Variants in PUS3 observed in about 807,000 individuals in gnomAD.
The protein encoded by PUS3 is pseudouridine synthase 3.
Under a neutral mutation model 43.3 loss-of-function variants are expected in PUS3, and 36 were observed. That is an observed-to-expected ratio of 0.83 (90% CI 0.64 to 1.10). PUS3 has a LOEUF of 1.10. Ranked by LOEUF, PUS3 falls within the 50% of genes least tolerant of loss-of-function variation. PUS3 has a pLI of 0.00. For missense variants in PUS3, 544 were observed against 589.9 expected (o/e 0.92, Z 0.81); for synonymous variants, 183 against 199.2 (o/e 0.92, Z 0.69).
Position 125,893,822 on chromosome 11 carries a change from C to G in PUS3, c.1409G>C (p.Arg470Thr), listed in dbSNP as rs750439608. ...TTTAATTTCTGTGTCAACACAGACC[C>G]TCTTCGTTGGTGTCTCCAAATTAGT... ...ENTNLETPTKRVCVDTEIKSI... is the reference protein window; with the variant it reads ...ENTNLETPTKTVCVDTEIKSI... The change falls in exon 4 of 4, where the codon AGG (arginine) becomes ACG (threonine). Residue 470 changes from arginine to threonine, a missense_variant. Physicochemically the swap from Arg to Thr is moderately conservative, Grantham distance 71 (BLOSUM62 -1). Transcript: ENST00000227474. 1.9e-6 allele frequency: 3 copies of G among 1,613,738 alleles called. No homozygotes were observed. The highest frequency in any genetic ancestry group is 8.5e-7 in the Non-Finnish European group (1 of 1,179,908).
chr11:125,898,262 G>A (rs893294790), intron 1 of PUS3, among the ~76,000 whole-genome samples: 1 of 152,192 alleles, frequency 6.6e-6, no homozygotes, highest in Admixed American at 6.5e-5. Flanking sequence ...ACAGGAAATA[G>A]TGGACAGTAG....
Position 125,895,272 on chromosome 11 carries a change from A to G in PUS3, c.896T>C (p.Ile299Thr), listed in dbSNP as rs141362244. ...IGQGMEKPEI[I>T]DELLNIEKNP... ...TTTCTCTATATTCAGCAGCTCATCA[A>G]TAATCTCTGGCTTCTCCATTCCTTG... The change falls in exon 3 of 4, where the codon ATT (isoleucine) becomes ACT (threonine). Residue 299 changes from isoleucine to threonine, a missense_variant. Transcript: ENST00000227474. 8.1e-6 allele frequency: 13 copies of G among 1,608,870 alleles called. No individual in the cohort carries two copies. The highest frequency in any genetic ancestry group is 1.1e-5 in the South Asian group (1 of 90,072).
At chr11:125,900,055 TG>T in intron 1 of PUS3, 1 of 1,614,214 alleles carries the variant, frequency 6.2e-7, no homozygotes. Context: ...TACGTTTACC[TG>T]GTGAAGATCA....
At position 125,894,088 on chromosome 11, in the gene PUS3, C is replaced by T. The variant is rs143682880; in HGVS notation, c.1143G>A (p.Lys381=). 8.7e-6 allele frequency: 14 copies of T among 1,614,182 alleles called. No individual in the cohort carries two copies. The African/African-American group carries it at 1.6e-4, about 18-fold the overall frequency. ...TVPVPCGIGP[K]MDGMTEWGNV... The stretch of plus-strand genomic sequence containing the variant: ...TTCCCCATTCTGTCATTCCATCCAT[C>T]TTTGGTCCTATTCCACAGGGTACTG... Residue 381 remains lysine (K), a synonymous_variant, in exon 4 of 4, where the codon AAG becomes AAA. Coordinates refer to ENST00000227474, the MANE Select transcript of PUS3 (RefSeq NM_031307.4).
At chr11:125,897,205 AG>A (rs1456931811) in intron 1 of PUS3, among the ~76,000 whole-genome samples, 1 of 152,198 alleles carries the variant, frequency 6.6e-6, no homozygotes, top group Non-Finnish European at 1.5e-5. Flanking sequence ...ATCTAAGTAT[AG>A]GTAGCTTAGT....
rs781230998 is a variant in PUS3 at position 125,900,148 on chromosome 11, C to T, written c.-47+3022G>A. On this transcript the variant is annotated intron_variant, in intron 1 of 3. Coordinates refer to ENST00000227474, the MANE Select transcript of PUS3 (RefSeq NM_031307.4). ...AATCCAAACCTCAGCATATATATGT[C>T]CCAAACAATTATCTAGTACCAACAG... 2.1e-5 allele frequency: 34 copies of T among 1,614,006 alleles called. No homozygotes were observed. Among genetic ancestry groups the T allele is most frequent in the African/African-American group, 2.7e-5 (2 of 74,908 alleles).
chr11:125,902,779 C>T (rs1944814506), intron 1 of PUS3, among the ~76,000 whole-genome samples: 1 of 151,914 alleles, frequency 6.6e-6, no homozygotes, highest in Non-Finnish European at 1.5e-5. Flanking sequence ...AGGCAATCCC[C>T]AAAATAATTT....
At chr11:125,895,081 C>G in intron 3 of PUS3, 143 bp downstream of exon 3, 1 of 523,026 alleles carries the variant, frequency 1.9e-6, no homozygotes, top group Non-Finnish European at 3.2e-6. Flanking sequence ...CAGTCTCCCT[C>G]TGTCACCCAT....
chr11:125,901,690 C>G (rs1347707687), intron 1 of PUS3, among the ~76,000 whole-genome samples: 1 of 152,204 alleles, frequency 6.6e-6, no homozygotes, highest in Non-Finnish European at 1.5e-5. Context: ...TAATCAATGA[C>G]TCAGGTACAT....
chr11:125,899,542 A>G (rs1944695087), intron 1 of PUS3: 1 of 1,614,176 alleles, frequency 6.2e-7, no homozygotes, highest in Non-Finnish European at 8.5e-7. Context: ...CAGTAGCCCC[A>G]GGGAAGCGAC....
In PUS3 at chr11:125,899,566, G is replaced by C. The variant is rs754900007; in HGVS notation, c.-46-3236C>G. ...CAGGGAAGCGACCTGCTCTTCCTGT[G>C]CAACTACAGTACCCACATGTAGAAA... On this transcript the variant is annotated intron_variant, in intron 1 of 3. Transcript: ENST00000227474. 4.3e-6 allele frequency: 7 copies of C among 1,614,122 alleles called. No homozygotes were observed. Among genetic ancestry groups the C allele is most frequent in the Non-Finnish European group, 5.9e-6 (7 of 1,180,002 alleles).
rs998301922 is a variant in PUS3, at chr11:125,896,097, C to T, written c.188G>A (p.Arg63Lys). The T allele has an allele frequency of 6.2e-7, 1 of 1,614,108 alleles. No individual in the cohort carries two copies. The highest frequency in any genetic ancestry group is 8.5e-7 in the Non-Finnish European group (1 of 1,180,058). ...RAFDFSAHGRRHVALRIAYMG... is the reference protein window; with the variant it reads ...RAFDFSAHGRKHVALRIAYMG... The stretch of plus-strand genomic sequence containing the variant: ...ATAGGCTATTCTTAGGGCTACGTGT[C>T]TTCGGCCATGAGCACTGAAATCAAA... The change falls in exon 2 of 4, where the codon AGA (arginine) becomes AAA (lysine). Residue 63 changes from arginine (R) to lysine (K), a missense_variant. Physicochemically the swap from Arg to Lys is conservative, Grantham distance 26 (BLOSUM62 2). Transcript: ENST00000227474.
chr11:125,897,187 G>T (rs573585538), intron 1 of PUS3, among the ~76,000 whole-genome samples: 1 of 152,226 alleles, frequency 6.6e-6, no homozygotes, highest in Admixed American at 6.5e-5. Flanking sequence ...CTGTTCTAAG[G>T]CCATGTTATC....
Position 125,898,545 on chromosome 11 carries a change from C to T in PUS3, c.-46-2215G>A, listed in dbSNP as rs553179466. On this transcript the variant is annotated intron_variant, in intron 1 of 3. Coordinates refer to ENST00000227474, the MANE Select transcript of PUS3 (RefSeq NM_031307.4). ...CAAAAATTAGCCAGGCGTGGTGGCCCACACCTGTAGTAGTCCAGTTACTCC... is the reference window on the plus strand; with the variant it reads ...CAAAAATTAGCCAGGCGTGGTGGCCTACACCTGTAGTAGTCCAGTTACTCC... Among the ~76,000 whole-genome samples, 13 of 152,096 alleles carry T rather than the reference C, an allele frequency of 8.5e-5. No individual in the cohort carries two copies. The East Asian group carries it at 9.7e-4, about 11-fold the overall frequency.
At chr11:125,900,968 G>A (rs1213755511) in intron 1 of PUS3, 3 of 146,464 alleles carry the variant, frequency 2.0e-5, no homozygotes, top group South Asian at 4.3e-4. Flanking sequence ...CCGAGATTGC[G>A]CCACTGCACT....
At position 125,895,547 on chromosome 11, in the gene PUS3, T is replaced by TA; in HGVS notation, c.620dup (p.Thr208AsnfsTer14). On this transcript the variant is annotated frameshift_variant, in exon 3 of 4. Transcript: ENST00000227474. LOFTEE classifies it high-confidence loss of function. ...ACTTCTGAGCTGCATAATCCATGGTTACAATATCTAAATCAGCACGAGGGA... is the reference window on the plus strand; with the variant it reads ...ACTTCTGAGCTGCATAATCCATGGTTAACAATATCTAAATCAGCACGAGGGA... The TA allele has an allele frequency of 6.2e-7, 1 of 1,614,194 alleles. No homozygotes were observed. Among genetic ancestry groups the TA allele is most frequent in the Non-Finnish European group, 8.5e-7 (1 of 1,180,034 alleles).
intron 1 of PUS3, 40 bp downstream of exon 1, chr11:125,903,130 G>A: frequency 2.1e-6 from 2 of 949,376 alleles, no homozygotes; most frequent in Non-Finnish European, 2.5e-6. Flanking sequence ...TTCCCCTGTG[G>A]AACCCAGAAA....
intron 1 of PUS3, chr11:125,900,620 T>TA (rs1303020496): frequency 1.1e-5 from 3 of 280,368 alleles, no homozygotes; most frequent in Non-Finnish European, 2.2e-5. Context: ...GCATTACACT[T>TA]ACCAATTAAA....
Position 125,894,285 on chromosome 11 carries a change from T to C in PUS3, c.946A>G (p.Met316Val). The C allele has an allele frequency of 6.3e-7, 1 of 1,590,296 alleles. No individual in the cohort carries two copies. Among genetic ancestry groups the C allele is most frequent in the Non-Finnish European group, 8.6e-7 (1 of 1,166,700 alleles). Residue 316 changes from methionine to valine, a missense_variant and splice_region_variant, in exon 4 of 4, where the codon ATG (methionine) becomes GTG (valine). Coordinates refer to ENST00000227474, the MANE Select transcript of PUS3 (RefSeq NM_031307.4). Reference sequence around the variant, plus strand: ...AAGACTAGAGGAAATTCTACAGCCATACTAGAGAAAAAGAGAAAAGAAAGT... The same window carrying C: ...AAGACTAGAGGAAATTCTACAGCCACACTAGAGAAAAAGAGAAAAGAAAGT... ...EKNPQKPQYS[M>V]AVEFPLVLYD... is the part of the protein sequence containing the mutation.
Sources: gnomAD v4.1 joint callset for allele counts (sites outside exome capture counted in the v4.1 genomes callset) on GRCh38, gnomAD v4.1.1 for gene constraint, MANE v1.5 for transcripts, NCBI Gene and HGNC (gene_info 2026-07-23, HGNC 2026-07-21) for gene names.